Variants in CCDC7 observed in about 807,000 individuals in gnomAD.
CCDC7 encodes coiled-coil domain containing 7.
A neutral mutation model predicts 196.9 loss-of-function variants in CCDC7; 183 were observed. The observed-to-expected ratio is 0.93, with a 90% confidence interval of 0.82 to 1.05. CCDC7 has a LOEUF of 1.05. CCDC7 is among the 50% of genes least tolerant of loss of function. The pLI, the probability that CCDC7 is intolerant of heterozygous loss-of-function variation, is 0.00. For missense variants in CCDC7, 1,540 were observed against 1,482.2 expected, an observed-to-expected ratio of 1.04 and a Z score of -0.64; for synonymous variants, 525 against 484.6, an observed-to-expected ratio of 1.08 and a Z score of -1.10.
intron 28 of CCDC7, among the ~76,000 whole-genome samples, chr10:32,758,055 A>T (rs1056641133): frequency 2.0e-5 from 3 of 152,228 alleles, no homozygotes; most frequent in Non-Finnish European, 4.4e-5. Context: ...ACCAGGAAGA[A>T]GTTGAATCCC....
chr10:32,617,934 T>G (rs1345760718), intron 18 of CCDC7, among the ~76,000 whole-genome samples: 2 of 151,926 alleles, frequency 1.3e-5, no homozygotes, highest in African/African-American at 4.8e-5. Flanking sequence ...GGTGCCCATG[T>G]ATTTAGGATT....
rs373190002 is a variant in CCDC7 at position 32,484,732 on chromosome 10, C to T, written c.797-7190C>T. Reference sequence around the variant, plus strand: ...AGCGCTGTTGAATTTTGTCAAAGGCCTTTTCTGCATCTATTGAGATAATTG... The same window carrying T: ...AGCGCTGTTGAATTTTGTCAAAGGCTTTTTCTGCATCTATTGAGATAATTG... On this transcript the variant is annotated intron_variant, in intron 8 of 41. Coordinates refer to ENST00000639629, the Ensembl canonical transcript of CCDC7. Among the ~76,000 whole-genome samples the T allele has an allele frequency of 4.7e-4, 72 of 152,178 alleles. 1 individual carries two copies. The highest frequency in any genetic ancestry group is 2.1e-3 in the East Asian group (11 of 5,180).
upstream of CCDC7, among the ~76,000 whole-genome samples, chr10:32,451,338 A>C (rs1321821788): frequency 6.6e-6 from 1 of 152,236 alleles, no homozygotes; most frequent in Non-Finnish European, 1.5e-5. Context: ...AAAATTATGG[A>C]GCTTTTACTG....
intron 20 of CCDC7, among the ~76,000 whole-genome samples, chr10:32,650,486 G>C (rs1257192317): frequency 6.6e-6 from 1 of 152,216 alleles, no homozygotes; most frequent in Non-Finnish European, 1.5e-5. Flanking sequence ...CACTGTGCCT[G>C]CAATTTTGTT....
At chr10:32,539,961 G>T (rs974937376) in intron 11 of CCDC7, among the ~76,000 whole-genome samples, 1 of 152,034 alleles carries the variant, frequency 6.6e-6, no homozygotes, top group Non-Finnish European at 1.5e-5. Context: ...GTGCTATGTC[G>T]TGATGAGAAG....
In CCDC7 at chr10:32,712,035, C is replaced by T. The variant is rs56102731; in HGVS notation, c.2569+305C>T. ...ATCTGCTGCTGGCCATTTATGGGCA[C>T]CTCTGATCTGTTGTAGTCCCAGTCA... On this transcript the variant is annotated intron_variant, in intron 25 of 41. Transcript: ENST00000639629. Among the ~76,000 whole-genome samples, 873 of 152,236 alleles carry T rather than the reference C, an allele frequency of 5.7e-3. 13 individuals carry two copies. The highest frequency in any genetic ancestry group is 0.02 in the African/African-American group (831 of 41,532).
At chr10:32,458,546 C>G (rs1226967646) in intron 3 of CCDC7, among the ~76,000 whole-genome samples, 1 of 149,668 alleles carries the variant, frequency 6.7e-6, no homozygotes, top group Non-Finnish European at 1.5e-5. Context: ...TGCAGTGGCA[C>G]AATCATAGCT....
Position 32,703,307 on chromosome 10 carries a change from G to T in CCDC7, c.2459-8313G>T, listed in dbSNP as rs2079087816. ...TTGGCTGGATATGAAATTCTGAGTT[G>T]AAAATTCTTTTCTTTATGAATGTTG... On this transcript the variant is annotated intron_variant, in intron 24 of 41. Transcript: ENST00000639629. Among the ~76,000 whole-genome samples, 8 of 152,118 alleles carry T rather than the reference G, an allele frequency of 5.3e-5. No individual in the cohort carries two copies. The South Asian group carries it at 1.5e-3, about 28-fold the overall frequency.
At chr10:32,783,060 C>G (rs1429439335) in intron 29 of CCDC7, among the ~76,000 whole-genome samples, 1 of 152,092 alleles carries the variant, frequency 6.6e-6, no homozygotes, top group Non-Finnish European at 1.5e-5. Flanking sequence ...CATTAAAACT[C>G]TGAGAGAAAA....
At chr10:32,686,123 A>C in intron 22 of CCDC7, 43 bp downstream of exon 23, 5 of 995,872 alleles carry the variant, frequency 5.0e-6, no homozygotes, top group Non-Finnish European at 7.4e-6. Flanking sequence ...ATTTTAAATT[A>C]GTCACAGCAA....
At chr10:32,590,510 G>A (rs1250325191) in intron 18 of CCDC7, among the ~76,000 whole-genome samples, 2 of 151,892 alleles carry the variant, frequency 1.3e-5, no homozygotes, top group East Asian at 1.9e-4. Flanking sequence ...CTACTTAAGA[G>A]TATTTTACAC....
At chr10:32,637,626 A>G (rs1280517154) in intron 20 of CCDC7, among the ~76,000 whole-genome samples, 1 of 152,186 alleles carries the variant, frequency 6.6e-6, no homozygotes, top group African/African-American at 2.4e-5. Flanking sequence ...TCTTTTGGTT[A>G]CTGTAGCCTT....
At chr10:32,509,155 T>C (rs61856031) in intron 9 of CCDC7, among the ~76,000 whole-genome samples, 52,393 of 151,940 alleles carry the variant, frequency 0.34, 11,447 homozygotes, top group Non-Finnish European at 0.5. Flanking sequence ...TGATTTCAAA[T>C]TATGTTTTAA....
At chr10:32,740,088 C>T (rs1203847857) in intron 28 of CCDC7, among the ~76,000 whole-genome samples, 1 of 152,146 alleles carries the variant, frequency 6.6e-6, no homozygotes, top group Non-Finnish European at 1.5e-5. Flanking sequence ...TTCTCCCCAA[C>T]ATCCCAGGCC....
At chr10:32,525,920 C>T (rs1447231757) in intron 11 of CCDC7, among the ~76,000 whole-genome samples, 1 of 152,118 alleles carries the variant, frequency 6.6e-6, no homozygotes, top group Non-Finnish European at 1.5e-5. Context: ...GTGCAAGCAC[C>T]CCTGTGGTCA....
chr10:32,799,833 G>A (rs537607182), intron 29 of CCDC7, among the ~76,000 whole-genome samples: 1 of 152,310 alleles, frequency 6.6e-6, no homozygotes, highest in African/African-American at 2.4e-5. Context: ...TTGTGGAAGG[G>A]AAAAGCAAAC....
chr10:32,824,561 A>G (rs1399225681), exon 32 of CCDC7: 1 of 1,612,398 alleles, frequency 6.2e-7, no homozygotes, highest in East Asian at 2.2e-5. Context: ...GAGGTACAAT[A>G]AATGATGCAA....
chr10:32,544,311 C>G lies in CCDC7; in HGVS notation c.1134+10C>G. On this transcript the variant is annotated intron_variant, in intron 13 of 41. Coordinates refer to ENST00000639629, the Ensembl canonical transcript of CCDC7. ...TTTGGATCAAGTACAGGTAACACAC[C>G]CACTCTCTCTATGCATCAATATTTG... is the stretch of plus-strand genomic sequence containing the variant. 3.1e-6 allele frequency: 5 copies of G among 1,604,592 alleles called. No individual in the cohort carries two copies. Among genetic ancestry groups the G allele is most frequent in the Non-Finnish European group, 4.3e-6 (5 of 1,175,368 alleles).
intron 25 of CCDC7, among the ~76,000 whole-genome samples, chr10:32,712,988 T>G (rs2081060990): frequency 6.6e-6 from 1 of 152,184 alleles, no homozygotes; most frequent in Admixed American, 6.5e-5. Context: ...TAATACTGGT[T>G]TTGGTAGACA....
Sources: gnomAD v4.1 joint callset for allele counts (sites outside exome capture counted in the v4.1 genomes callset) on GRCh38, gnomAD v4.1.1 for gene constraint, MANE v1.5 for transcripts, NCBI Gene and HGNC (gene_info 2026-07-23, HGNC 2026-07-21) for gene names.